The following NIPAL3 variants were observed in gnomAD, a reference collection of about 807,000 sequenced individuals.
The protein encoded by NIPAL3 is NIPA-like protein 3.
In NIPAL3, 41 loss-of-function variants were observed where a neutral mutation model predicts 47.2. The ratio of observed to expected loss-of-function variants is 0.87; its 90% CI spans 0.68 to 1.13. The LOEUF (loss-of-function observed/expected upper bound fraction) is 1.13, where lower values mean the gene tolerates loss of function less well. Among genes scored for constraint, NIPAL3 ranks in the 50% most tolerant of loss-of-function variants. The probability of loss-of-function intolerance (pLI) is 0.00; values close to 1 mark genes in which losing one functional copy is unlikely to be tolerated. For synonymous variants in NIPAL3, 194 were observed against 209.6 expected (o/e 0.93, Z 0.64); for missense variants, 449 against 530.1 (o/e 0.85, Z 1.50).
chr1:24,449,464 GC>G lies in NIPAL3; in HGVS notation c.395-15del, dbSNP rs1557518609. ...CTGTTGTTGCAATGAGTCCGTGACA[GC>G]CTCTCTTCCCCGCAGGGCGCTACGT... On this transcript the variant is annotated splice_polypyrimidine_tract_variant and intron_variant, in intron 5 of 11. Transcript: ENST00000374399. This position sits in a 1 kb window ranked among gnomAD's most constrained non-coding sequence, Gnocchi z 4.5. 3.7e-6 allele frequency: 6 copies of G among 1,612,390 alleles called. No individual in the cohort carries two copies. The highest frequency in any genetic ancestry group is 5.1e-6 in the Non-Finnish European group (6 of 1,179,854).
At chr1:24,459,021 C>T in intron 9 of NIPAL3, 45 bp downstream of exon 9, 1 of 1,544,674 alleles carries the variant, frequency 6.5e-7, no homozygotes, top group African/African-American at 1.4e-5. Flanking sequence ...ACTTTAGCAG[C>T]AGGGTATTAT....
In NIPAL3 at chr1:24,428,288, GAGAGAGAGAGAGAGAC is replaced by G. The variant is rs1351554125; in HGVS notation, c.93+8650_93+8665del. ...AGAGAGAGAGAGAGAGAGAGAGAGA[GAGAGAGAGAGAGAGAC>G]ACCAGAACCTTTCCCCAAAGCCAGC... On this transcript the variant is annotated intron_variant, in intron 2 of 11. Transcript: ENST00000374399. Among the ~76,000 whole-genome samples, 7 of 151,368 alleles carry G rather than the reference GAGAGAGAGAGAGAGAC, an allele frequency of 4.6e-5. 1 individual carries two copies. The highest frequency in any genetic ancestry group is 1.9e-4 in the East Asian group (1 of 5,146).
intron 2 of NIPAL3, among the ~76,000 whole-genome samples, chr1:24,424,792 A>G (rs149757215): frequency 1.3e-5 from 2 of 152,294 alleles, no homozygotes; most frequent in Non-Finnish European, 2.9e-5. Flanking sequence ...CACCCAGCTG[A>G]TGCCACCTGG....
intron 11 of NIPAL3, chr1:24,465,969 G>A: frequency 2.5e-6 from 4 of 1,588,534 alleles, no homozygotes; most frequent in Non-Finnish European, 3.4e-6. Flanking sequence ...TGGTTTCCCT[G>A]GTCAGCATTA....
intron 2 of NIPAL3, chr1:24,422,125 T>C (rs1398229418): frequency 6.6e-6 from 1 of 152,240 alleles, no homozygotes; most frequent in African/African-American, 2.4e-5. Context: ...AGATTGACTC[T>C]GACATTCTCA....
intron 2 of NIPAL3, among the ~76,000 whole-genome samples, chr1:24,426,182 G>T (rs745431469): frequency 6.6e-6 from 1 of 152,060 alleles, no homozygotes; most frequent in Non-Finnish European, 1.5e-5. Context: ...CACTTCTTTC[G>T]CCAGTAACAC....
intron 3 of NIPAL3, among the ~76,000 whole-genome samples, chr1:24,440,577 C>T (rs1645332907): frequency 6.6e-6 from 1 of 152,216 alleles, no homozygotes; most frequent in African/African-American, 2.4e-5. Flanking sequence ...CTAATTACAG[C>T]ACTGTTCATT....
intron 5 of NIPAL3, among the ~76,000 whole-genome samples, chr1:24,447,958 A>G (rs1417341700): frequency 6.6e-6 from 1 of 152,258 alleles, no homozygotes; most frequent in Non-Finnish European, 1.5e-5. Context: ...ACATTCACTC[A>G]GTGCTAGACC....
In NIPAL3 at chr1:24,442,119, G is replaced by A; in HGVS notation, c.227G>A (p.Trp76Ter). The A allele has an allele frequency of 6.2e-7, 1 of 1,614,190 alleles. No homozygotes were observed. Among genetic ancestry groups the A allele is most frequent in the Non-Finnish European group, 8.5e-7 (1 of 1,180,022 alleles). The change falls in exon 4 of 12, where the codon TGG (tryptophan) becomes TAG (stop). Residue 76 changes from tryptophan to a stop codon, truncating the protein, a stop_gained. Transcript: ENST00000374399. LOFTEE classifies it high-confidence loss of function. ...DPRAYFKTKT[W>*]WLGLFLMLLG... ...CGGGCCTATTTCAAGACCAAGACAT[G>A]GTGGCTGGGCCTGTTCCTGATGCTT...
chr1:24,457,607 T>C (rs1028734843), intron 8 of NIPAL3: 1 of 387,418 alleles, frequency 2.6e-6, no homozygotes, highest in Non-Finnish European at 5.1e-6. Flanking sequence ...ATTATCCCCA[T>C]TTTGCATACG....
intron 2 of NIPAL3, among the ~76,000 whole-genome samples, chr1:24,436,157 G>A (rs983397734): frequency 2.0e-5 from 3 of 152,054 alleles, no homozygotes; most frequent in Admixed American, 6.5e-5. Flanking sequence ...AGGGGGCAGC[G>A]GGCACAAACA....
chr1:24,469,403 C>A lies in NIPAL3; in HGVS notation c.*218C>A, dbSNP rs1261444425. ...GGATGGAAGCATTATTCCAGGTGGA[C>A]GGGATAGAATCCAGCCTCTGCCTGG... On this transcript the variant is annotated 3_prime_UTR_variant, in exon 12 of 12. Coordinates refer to ENST00000374399, the MANE Select transcript of NIPAL3 (RefSeq NM_020448.5). The A allele has an allele frequency of 1.9e-6, 1 of 530,950 alleles. No individual in the cohort carries two copies. Among genetic ancestry groups the A allele is most frequent in the South Asian group, 2.6e-5 (1 of 37,940 alleles). 32.9% of individuals were successfully genotyped at this position (530,950 alleles called of 1,614,324 possible). A position where few individuals can be genotyped will look rare whatever the true frequency, so the allele number is the denominator to read the frequency against.
intron 2 of NIPAL3, among the ~76,000 whole-genome samples, chr1:24,433,829 C>T (rs1349278154): frequency 6.6e-6 from 1 of 151,914 alleles, no homozygotes; most frequent in African/African-American, 2.4e-5. Flanking sequence ...GAGATGGGAA[C>T]TATATAGGAG....
chr1:24,430,928 C>G (rs1229424674), intron 2 of NIPAL3, among the ~76,000 whole-genome samples: 1 of 152,092 alleles, frequency 6.6e-6, no homozygotes, highest in Non-Finnish European at 1.5e-5. Context: ...ACATATAGTT[C>G]AAGTATAAAT....
intron 11 of NIPAL3, among the ~76,000 whole-genome samples, chr1:24,467,201 C>T (rs983026955): frequency 1.3e-5 from 2 of 152,122 alleles, no homozygotes; most frequent in African/African-American, 2.4e-5. Context: ...CGGTGGCTCA[C>T]GCCTGTAATC....
chr1:24,415,805 T>C lies in NIPAL3; in HGVS notation c.-357T>C. On this transcript the variant is annotated 5_prime_UTR_variant, in exon 1 of 12. Coordinates refer to ENST00000374399, the MANE Select transcript of NIPAL3 (RefSeq NM_020448.5). Reference sequence around the variant, plus strand: ...ACTGCAGCATCTTGGCAGCTCTGAATTGGGAAGGGATGAAGGAGGCTGTGC... The same window carrying C: ...ACTGCAGCATCTTGGCAGCTCTGAACTGGGAAGGGATGAAGGAGGCTGTGC... 1 of 983,400 alleles carries C rather than the reference T, an allele frequency of 1.0e-6. No homozygotes were observed. Among genetic ancestry groups the C allele is most frequent in the Non-Finnish European group, 1.2e-6 (1 of 828,102 alleles). 60.9% of individuals were successfully genotyped at this position (983,400 alleles called of 1,614,324 possible).
intron 1 of NIPAL3, among the ~76,000 whole-genome samples, chr1:24,417,573 T>C (rs1483231372): frequency 6.6e-6 from 1 of 152,200 alleles, no homozygotes; most frequent in Non-Finnish European, 1.5e-5. Flanking sequence ...AATTACCTGA[T>C]AAAGTTACCC....
rs370068909 is a variant in NIPAL3 at position 24,449,579 on chromosome 1, G to A, written c.493G>A (p.Glu165Lys). 5.0e-6 allele frequency: 8 copies of A among 1,614,078 alleles called. No homozygotes were observed. Among genetic ancestry groups the A allele is most frequent in the East Asian group, 2.2e-5 (1 of 44,884 alleles). The part of the protein sequence containing the change: ...APNSHEKMTG[E>K]NVTRHLVSWP... ...CAACAGTCACGAGAAGATGACAGGC[G>A]AGAATGTCACCAGGCACCTCGTGAG... The change falls in exon 6 of 12, where the codon GAG (glutamate) becomes AAG (lysine). Residue 165 changes from glutamate (E) to lysine (K), a missense_variant. Transcript: ENST00000374399. This position sits in a 1 kb window ranked among gnomAD's most constrained non-coding sequence, Gnocchi z 4.5.
chr1:24,426,674 G>A (rs9645288), intron 2 of NIPAL3, among the ~76,000 whole-genome samples: 35,316 of 152,062 alleles, frequency 0.23, 4,651 homozygotes, highest in East Asian at 0.45. Flanking sequence ...CGCTTATTCC[G>A]TGACTTTGGC....
Sources: allele counts gnomAD v4.1 joint callset (sites outside exome capture counted in the v4.1 genomes callset), GRCh38; gene constraint gnomAD v4.1.1; non-coding constraint Gnocchi (gnomAD v3.1); transcripts MANE v1.5; gene names NCBI Gene and HGNC (gene_info 2026-07-23, HGNC 2026-07-21).